SCN8A: variants seen among roughly 807,000 people sequenced by gnomAD.
SCN8A encodes the protein sodium voltage-gated channel alpha subunit 8.
SCN8A carries 30 observed loss-of-function variants against 184.1 expected under a neutral mutation model. That is an observed-to-expected ratio of 0.16 (90% CI 0.12 to 0.22). The LOEUF (loss-of-function observed/expected upper bound fraction) is 0.22, where lower values mean the gene tolerates loss of function less well. Among genes scored for constraint, SCN8A ranks in the 10% least tolerant of loss-of-function variants. SCN8A has a pLI of 1.00. For synonymous variants in SCN8A, 852 were observed against 907.0 expected (o/e 0.94, Z 1.09); for missense variants, 1,057 against 2,498.9 (o/e 0.42, Z 12.30).
chr12:51,667,579 T>G (rs1017550285), intron 2 of SCN8A, among the ~76,000 whole-genome samples: 7 of 152,178 alleles, frequency 4.6e-5, no homozygotes, highest in South Asian at 2.1e-4. Context: ...TAAGGACTTT[T>G]TCTCTGTTGC....
At chr12:51,679,063 G>A (rs1398183707) in intron 2 of SCN8A, among the ~76,000 whole-genome samples, 2 of 148,884 alleles carry the variant, frequency 1.3e-5, no homozygotes, top group Non-Finnish European at 3.0e-5. Context: ...GCAGCAGAGC[G>A]AGGCTCCGTC....
chr12:51,684,240 T>C lies in SCN8A; in HGVS notation c.343T>C (p.Leu115=). ...TAGTGCCACGCCTGCCTTGTACATTTTAAGTCCTTTTAACCTGATAAGAAG... is the reference window on the plus strand; with the variant it reads ...TAGTGCCACGCCTGCCTTGTACATTCTAAGTCCTTTTAACCTGATAAGAAG... ...RFSATPALYI[L]SPFNLIRRIA... The change falls in exon 3 of 27, where the codon TTA becomes CTA. Residue 115 remains leucine (L), a synonymous_variant. Coordinates refer to ENST00000627620, the MANE Select transcript of SCN8A (RefSeq NM_001330260.2). 6.2e-7 allele frequency: 1 copy of C among 1,608,912 alleles called. No homozygotes were observed. The highest frequency in any genetic ancestry group is 1.1e-5 in the South Asian group (1 of 91,014).
chr12:51,619,234 T>C (rs1403519835), intron 1 of SCN8A, among the ~76,000 whole-genome samples: 10 of 152,228 alleles, frequency 6.6e-5, no homozygotes, highest in Admixed American at 6.5e-4. Context: ...TTAGCAGCTG[T>C]GCAGAATGCC....
intron 1 of SCN8A, among the ~76,000 whole-genome samples, chr12:51,597,517 G>A (rs572736247): frequency 2.0e-5 from 3 of 152,258 alleles, no homozygotes; most frequent in Non-Finnish European, 2.9e-5. Flanking sequence ...TCCATTATGA[G>A]CACTTAACTG....
At chr12:51,742,880 C>T (rs540032756) in intron 12 of SCN8A, among the ~76,000 whole-genome samples, 21 of 152,110 alleles carry the variant, frequency 1.4e-4, no homozygotes, top group Admixed American at 7.9e-4. Flanking sequence ...AGGTGTGCTT[C>T]GTTTTGTTGT....
chr12:51,779,155 A>G (rs11832545), intron 20 of SCN8A, among the ~76,000 whole-genome samples: 24,984 of 149,884 alleles, frequency 0.17, 2,682 homozygotes, highest in East Asian at 0.36. Flanking sequence ...AGGAGGTGGA[A>G]GTTGCAGTGA....
At chr12:51,777,257 T>G (rs1937733010) in intron 20 of SCN8A, among the ~76,000 whole-genome samples, 1 of 152,148 alleles carries the variant, frequency 6.6e-6, no homozygotes, top group Admixed American at 6.5e-5. Flanking sequence ...ATTTATTTTT[T>G]TTTTCATTTT....
chr12:51,731,371 C>T (rs1942239424), intron 12 of SCN8A, among the ~76,000 whole-genome samples: 1 of 152,108 alleles, frequency 6.6e-6, no homozygotes, highest in African/African-American at 2.4e-5. Context: ...CTGCCTTGGC[C>T]TCCCAAGGAG....
intron 14 of SCN8A, among the ~76,000 whole-genome samples, chr12:51,752,313 A>C (rs1338961972): frequency 6.6e-6 from 1 of 152,084 alleles, no homozygotes; most frequent in Non-Finnish European, 1.5e-5. Context: ...TTAGGTGTTA[A>C]CCACAGGCAT....
At chr12:51,686,964 G>T (rs1360769106) in intron 4 of SCN8A, 127 bp from the exon 5 acceptor site, 2 of 861,574 alleles carry the variant, frequency 2.3e-6, no homozygotes, top group Non-Finnish European at 3.8e-6. Context: ...CCTTCCTGCT[G>T]CATTGGCTGT....
rs755951309 is a variant in SCN8A, at chr12:51,705,087, A to G, written c.1135-330A>G. ...GAGGATCTGTAGATAAATAAACTGC[A>G]GTCTTGTATTCTTTTCTTTATACTT... On this transcript the variant is annotated intron_variant, in intron 9 of 26. Transcript: ENST00000627620. 5.7e-4 allele frequency among the ~76,000 whole-genome samples: 87 copies of G among 152,360 alleles called. 1 individual carries two copies. The highest frequency in any genetic ancestry group is 8.8e-5 in the Non-Finnish European group (6 of 68,024).
At position 51,761,560 on chromosome 12, in the gene SCN8A, G is replaced by A. The variant is rs143563602; in HGVS notation, c.2371-943G>A. 5.5e-3 allele frequency among the ~76,000 whole-genome samples: 837 copies of A among 151,840 alleles called. 6 individuals carry two copies. The highest frequency in any genetic ancestry group is 0.019 in the African/African-American group (800 of 41,414). On this transcript the variant is annotated intron_variant, in intron 14 of 26. Coordinates refer to ENST00000627620, the MANE Select transcript of SCN8A (RefSeq NM_001330260.2). ...GCATGATCCACTGCCCTCCAGGTTG[G>A]CTCACTGCAACCTCTGCCTCCCGGG...
At chr12:51,699,420 C>T in intron 6 of SCN8A, 150 bp from the exon 7 acceptor site, 2 of 525,554 alleles carry the variant, frequency 3.8e-6, no homozygotes, top group Non-Finnish European at 6.8e-6. Context: ...TTTTGCTGAC[C>T]TATTATTATT....
At chr12:51,640,212 GTTTTTTTTTTTTTTTTTTTTTTTT>G (rs57362371) in intron 1 of SCN8A, among the ~76,000 whole-genome samples, 50 of 34,778 alleles carry the variant, frequency 1.4e-3, no homozygotes, top group Middle Eastern at 0.022. Context: ...TGCCTGGCCT[GTTTTTTTTTTTTTTTTTTTTTTTT>G]TTTTTTTTTT....
rs191262945 is a variant in SCN8A at position 51,802,479 on chromosome 12, G to A, written c.4796-3803G>A. Among the ~76,000 whole-genome samples the A allele has an allele frequency of 1.9e-3, 289 of 152,274 alleles. 1 individual carries two copies. Among genetic ancestry groups the A allele is most frequent in the African/African-American group, 6.8e-3 (281 of 41,548 alleles). On this transcript the variant is annotated intron_variant, in intron 26 of 26. Transcript: ENST00000627620. ...CCCTCACTTTAACAATAGATACCTA[G>A]GGAGGCTACGCATGCACCTTTCCTT... is the stretch of plus-strand genomic sequence containing the variant.
In SCN8A at chr12:51,786,772, C is replaced by T. The variant is rs746214454; in HGVS notation, c.4173C>T (p.Asn1391=). The T allele has an allele frequency of 9.9e-6, 16 of 1,613,896 alleles. No homozygotes were observed. The highest frequency in any genetic ancestry group is 4.5e-5 in the East Asian group (2 of 44,888). ...EGNNTEIRWK[N]VKINFDNVGA... is the part of the protein sequence containing the mutation. ...ACAATACAGAGATCAGATGGAAGAA[C>T]GTGAAGATCAACTTTGACAATGTTG... Residue 1391 remains asparagine, a synonymous_variant, in exon 22 of 27, where the codon AAC becomes AAT. Coordinates refer to ENST00000627620, the MANE Select transcript of SCN8A (RefSeq NM_001330260.2).
At chr12:51,755,628 T>A (rs500015) in intron 14 of SCN8A, among the ~76,000 whole-genome samples, 128,527 of 150,030 alleles carry the variant, frequency 0.86, 54,982 homozygotes, top group East Asian at 0.98. Flanking sequence ...AATAGAAAAC[T>A]AAAAAAAAAG....
chr12:51,612,251 T>C (rs1357946577), intron 1 of SCN8A, among the ~76,000 whole-genome samples: 1 of 152,192 alleles, frequency 6.6e-6, no homozygotes, highest in East Asian at 1.9e-4. Context: ...AACCTCTACC[T>C]CCCAGGCTTG....
intron 6 of SCN8A, among the ~76,000 whole-genome samples, chr12:51,692,311 G>A (rs552650819): frequency 1.3e-5 from 2 of 152,210 alleles, no homozygotes; most frequent in Non-Finnish European, 2.9e-5. Flanking sequence ...CTTCCTCTTT[G>A]TGTCTTTGGT....
Sources: allele counts gnomAD v4.1 joint callset (sites outside exome capture counted in the v4.1 genomes callset), GRCh38; gene constraint gnomAD v4.1.1; transcripts MANE v1.5; gene names NCBI Gene and HGNC (gene_info 2026-07-23, HGNC 2026-07-21).